Variants in NEDD1 observed in about 807,000 individuals in gnomAD.
The protein encoded by NEDD1 is NEDD1 gamma-tubulin ring complex targeting factor, also known as protein NEDD1.
A neutral mutation model predicts 74.0 loss-of-function variants in NEDD1; 33 were observed. That is an observed-to-expected ratio of 0.45 (90% CI 0.34 to 0.60). NEDD1 has a LOEUF of 0.60. NEDD1 is among the 20% of genes least tolerant of loss of function. The pLI is 0.01. For synonymous variants in NEDD1, 250 were observed against 264.4 expected (o/e 0.95, Z 0.53); for missense variants, 746 against 776.5 (o/e 0.96, Z 0.47).
At position 96,945,702 on chromosome 12, in the gene NEDD1, T is replaced by C. The variant is rs553778907; in HGVS notation, c.1664T>C (p.Ile555Thr). 4.4e-6 allele frequency: 7 copies of C among 1,590,282 alleles called. No individual in the cohort carries two copies. The South Asian group carries it at 7.7e-5, about 18-fold the overall frequency. Residue 555 changes from isoleucine to threonine, a missense_variant, in exon 14 of 16, where the codon ATA becomes ACA. Transcript: ENST00000266742. ...TCATTCTTTATTTTAGATCCAAAGA[T>C]AGCATCTTCTGTCACTGCTGGAGTT... The part of the protein sequence containing the change: ...INGSSTPNPK[I>T]ASSVTAGVAS...
intron 9 of NEDD1, among the ~76,000 whole-genome samples, chr12:96,939,369 T>G (rs530401435): frequency 2.8e-4 from 43 of 152,066 alleles, no homozygotes; most frequent in Non-Finnish European, 5.7e-4. Context: ...AGGAAATTTC[T>G]TCTTTGTAAC....
rs902100714 is a variant in NEDD1, at chr12:96,951,642, A to G, written c.1878+144A>G. On this transcript the variant is annotated intron_variant, in intron 15 of 15. Transcript: ENST00000266742. ...GAGTTTTATAGACTAAATAAGTAAA[A>G]TAGATTTTAACTGGTCACCTCCTTT... 4.6e-5 allele frequency: 25 copies of G among 542,098 alleles called. 1 individual carries two copies. The highest frequency in any genetic ancestry group is 4.5e-4 in the African/African-American group (23 of 50,710). The allele number at this position is 542,098 out of a possible 1,614,324, so 33.6% of individuals were successfully genotyped here.
At chr12:96,947,554 A>G (rs147574073) in intron 14 of NEDD1, among the ~76,000 whole-genome samples, 7 of 152,186 alleles carry the variant, frequency 4.6e-5, no homozygotes, top group African/African-American at 1.7e-4. Flanking sequence ...GGTGCTGTCT[A>G]TTTATTACCC....
Position 96,944,564 on chromosome 12 carries a change from A to G in NEDD1, c.1498-75A>G, listed in dbSNP as rs3803093. On this transcript the variant is annotated intron_variant, in intron 12 of 15. Coordinates refer to ENST00000266742, the MANE Select transcript of NEDD1 (RefSeq NM_152905.4). ...CCTACATACTGGGACAAAAGAGAGA[A>G]GTAGGCAAAAATTATATGGGTAATA... 4.2e-4 allele frequency: 355 copies of G among 839,846 alleles called. 1 individual carries two copies. In the East Asian group the frequency reaches 0.01, roughly 24 times the overall value. The allele number at this position is 839,846 out of a possible 1,614,324, so 52.0% of individuals were successfully genotyped here. A position where few individuals can be genotyped will look rare whatever the true frequency, so the allele number is the denominator to read the frequency against.
intron 6 of NEDD1, among the ~76,000 whole-genome samples, chr12:96,920,570 GAT>G (rs1281554054): frequency 1.3e-5 from 2 of 152,054 alleles, no homozygotes; most frequent in Non-Finnish European, 2.9e-5. Context: ...TGTTTTTGTA[GAT>G]ATATGATAAA....
chr12:96,934,259 A>G (rs1402206728), intron 6 of NEDD1, among the ~76,000 whole-genome samples: 1 of 151,832 alleles, frequency 6.6e-6, no homozygotes, highest in Non-Finnish European at 1.5e-5. Context: ...GACTGTGACA[A>G]GGCCTTTTAT....
In NEDD1 at chr12:96,936,601, C is replaced by A; in HGVS notation, c.720-10C>A. The A allele has an allele frequency of 6.2e-7, 1 of 1,602,722 alleles. No individual in the cohort carries two copies. Among genetic ancestry groups the A allele is most frequent in the Non-Finnish European group, 8.5e-7 (1 of 1,169,796 alleles). On this transcript the variant is annotated splice_polypyrimidine_tract_variant and intron_variant, in intron 7 of 15. Coordinates refer to ENST00000266742, the MANE Select transcript of NEDD1 (RefSeq NM_152905.4). Reference sequence around the variant, plus strand: ...ACATTTCTACACATACTTTGTTCTCCTTTCCAAAGGCTAGTGAAAACTTTA... The same window carrying A: ...ACATTTCTACACATACTTTGTTCTCATTTCCAAAGGCTAGTGAAAACTTTA...
At position 96,936,780 on chromosome 12, in the gene NEDD1, A is replaced by G. The variant is rs1055191483; in HGVS notation, c.889A>G (p.Ile297Val). 5 of 1,611,282 alleles carry G rather than the reference A, an allele frequency of 3.1e-6. No homozygotes were observed. The highest frequency in any genetic ancestry group is 1.1e-5 in the South Asian group (1 of 91,048). Reference protein sequence around the residue: ...ISAHKTSVQCIAFQYSTVLTK... With the variant: ...ISAHKTSVQCVAFQYSTVLTK... ...TGCTCACAAGACATCTGTGCAGTGT[A>G]TAGCATTTCAGTACTCCACTGTTCT... Residue 297 changes from isoleucine to valine, a missense_variant, in exon 8 of 16, where the codon ATA becomes GTA. By Grantham distance (29) the Ile-to-Val change is conservative (BLOSUM62 3). Coordinates refer to ENST00000266742, the MANE Select transcript of NEDD1 (RefSeq NM_152905.4).
intron 15 of NEDD1, 48 bp from the exon 16 acceptor site, chr12:96,951,901 T>C (rs1203027347): frequency 2.0e-6 from 2 of 1,006,018 alleles, no homozygotes; most frequent in Admixed American, 3.6e-5. Context: ...GCCTGCCAAA[T>C]AAATGTGAAA....
chr12:96,908,897 C>T lies in NEDD1; in HGVS notation c.-8-855C>T, dbSNP rs559385035. On this transcript the variant is annotated intron_variant, in intron 2 of 15. Transcript: ENST00000266742. ...AACAAATAAAAATTTCAGATAGTGG[C>T]TGGGCACGGTGGCTCACGCCTGTGG... Among the ~76,000 whole-genome samples the T allele has an allele frequency of 2.6e-5, 4 of 152,278 alleles. No individual in the cohort carries two copies. The East Asian group carries it at 7.7e-4, about 29-fold the overall frequency.
intron 6 of NEDD1, among the ~76,000 whole-genome samples, chr12:96,926,694 C>G (rs1045693116): frequency 1.3e-5 from 2 of 151,694 alleles, no homozygotes; most frequent in Non-Finnish European, 2.9e-5. Context: ...AAATTCAGTT[C>G]AGTTTAAAAA....
intron 6 of NEDD1, chr12:96,924,872 A>G (rs779746006): frequency 2.2e-5 from 10 of 450,984 alleles, no homozygotes; most frequent in South Asian, 1.6e-4. Context: ...ATGATAGTGG[A>G]CATCTTTATT....
chr12:96,907,492 G>A (rs1007738127), intron 1 of NEDD1, 112 bp from the exon 2 acceptor site: 13 of 880,668 alleles, frequency 1.5e-5, no homozygotes, highest in Non-Finnish European at 2.4e-5. Context: ...GGCGCGGGCC[G>A]GGGTCGCGCA....
At chr12:96,914,783 G>A (rs1456806467) in intron 4 of NEDD1, among the ~76,000 whole-genome samples, 1 of 152,168 alleles carries the variant, frequency 6.6e-6, no homozygotes, top group African/African-American at 2.4e-5. Flanking sequence ...ACCTTGAGCA[G>A]TTCAGGATTC....
intron 14 of NEDD1, among the ~76,000 whole-genome samples, chr12:96,948,246 C>A (rs1878386686): frequency 6.6e-6 from 1 of 152,154 alleles, no homozygotes. Flanking sequence ...ACACTTGTCC[C>A]TACTTTTTTT....
At chr12:96,946,137 TG>T (rs1263822936) in intron 14 of NEDD1, among the ~76,000 whole-genome samples, 1 of 152,162 alleles carries the variant, frequency 6.6e-6, no homozygotes, top group Non-Finnish European at 1.5e-5. Context: ...GGACAAGTTC[TG>T]GTAAGCTTAA....
chr12:96,911,347 A>G (rs1226914384), intron 3 of NEDD1, among the ~76,000 whole-genome samples: 1 of 152,240 alleles, frequency 6.6e-6, no homozygotes, highest in Non-Finnish European at 1.5e-5. Flanking sequence ...AAACTGATGT[A>G]GCTATGAGAT....
In NEDD1 at chr12:96,934,967, T is replaced by C. The variant is rs774689097; in HGVS notation, c.490-9T>C. On this transcript the variant is annotated splice_polypyrimidine_tract_variant and intron_variant, in intron 6 of 15. Transcript: ENST00000266742. ...TAATTACATAAAATTTATTCTTTCA[T>C]TTTTATAGTCTGTTCGGCACTTGAA... 6.5e-7 allele frequency: 1 copy of C among 1,531,618 alleles called. No homozygotes were observed. Among genetic ancestry groups the C allele is most frequent in the East Asian group, 2.3e-5 (1 of 44,430 alleles). 94.9% of individuals were successfully genotyped at this position (1,531,618 alleles called of 1,614,324 possible).
intron 6 of NEDD1, among the ~76,000 whole-genome samples, chr12:96,923,269 G>A (rs1334163800): frequency 6.6e-6 from 1 of 152,134 alleles, no homozygotes; most frequent in Non-Finnish European, 1.5e-5. Flanking sequence ...TTCTTTTGTT[G>A]ATGAGCAGTG....
Sources: allele counts gnomAD v4.1 joint callset (sites outside exome capture counted in the v4.1 genomes callset), GRCh38; gene constraint gnomAD v4.1.1; transcripts MANE v1.5; gene names NCBI Gene and HGNC (gene_info 2026-07-23, HGNC 2026-07-21).